SRCIN1: variants seen among roughly 807,000 people sequenced by gnomAD.
SRCIN1 encodes P130Cas-associated protein.
SRCIN1 carries 50 observed loss-of-function variants against 116.2 expected under a neutral mutation model. The observed-to-expected ratio is 0.43, with a 90% CI of 0.34 to 0.54. The LOEUF (loss-of-function observed/expected upper bound fraction) is 0.54, where lower values mean the gene tolerates loss of function less well. Ranked by LOEUF, SRCIN1 falls within the 20% of genes least tolerant of loss-of-function variation. The probability of loss-of-function intolerance (pLI) is 0.02; values close to 1 mark genes in which losing one functional copy is unlikely to be tolerated. For synonymous variants in SRCIN1, 736 were observed against 750.0 expected, an observed-to-expected ratio of 0.98 and a Z score of 0.30; for missense variants, 1,446 against 1,672.0, an observed-to-expected ratio of 0.86 and a Z score of 2.36.
rs571210242 is a variant in SRCIN1, at chr17:38,604,852, A to C, written c.22+832T>G. On this transcript the variant is annotated intron_variant, in intron 1 of 18. Transcript: ENST00000617146. This position sits in a 1 kb window ranked among gnomAD's most constrained non-coding sequence, Gnocchi z 4.3. ...CACCCCTCAGCCGCCTGCCTTCCCT[A>C]TCTTCTCACTCACCCTAGATGCCCT... Among the ~76,000 whole-genome samples, 1 of 126,250 alleles carries C rather than the reference A, an allele frequency of 7.9e-6. No individual in the cohort carries two copies. The highest frequency in any genetic ancestry group is 3.2e-5 in the African/African-American group (1 of 31,638). The allele number at this position is 126,250 out of a possible 152,430, so 82.8% of individuals were successfully genotyped here.
intron 2 of SRCIN1, among the ~76,000 whole-genome samples, chr17:38,576,484 C>T (rs759919591): frequency 2.8e-4 from 42 of 151,940 alleles, no homozygotes; most frequent in Non-Finnish European, 5.1e-4. Flanking sequence ...GGCTTTCTCC[C>T]TTCTTAGACC....
At chr17:38,592,514 A>G (rs551730427) in intron 1 of SRCIN1, among the ~76,000 whole-genome samples, 2 of 152,354 alleles carry the variant, frequency 1.3e-5, no homozygotes, top group African/African-American at 4.8e-5. Context: ...AGGACACAGC[A>G]AGCCAAGGCT....
At position 38,572,626 on chromosome 17, in the gene SRCIN1, C is replaced by G. The variant is rs2143278278; in HGVS notation, c.325-4395G>C. On this transcript the variant is annotated intron_variant, in intron 2 of 18. Coordinates refer to ENST00000617146, the MANE Select transcript of SRCIN1 (RefSeq NM_025248.3). This position sits in a 1 kb window ranked among gnomAD's most constrained non-coding sequence, Gnocchi z 4.3. Reference sequence around the variant, plus strand: ...CTCCGTGTCCCCGCCCCCCGCCCAACCCGAGGCGGCGATCCCGGCCCCCAC... The same window carrying G: ...CTCCGTGTCCCCGCCCCCCGCCCAAGCCGAGGCGGCGATCCCGGCCCCCAC... 1 of 151,828 alleles carries G rather than the reference C, an allele frequency of 6.6e-6. No individual in the cohort carries two copies. Among genetic ancestry groups the G allele is most frequent in the African/African-American group, 2.4e-5 (1 of 41,424 alleles). 9.4% of individuals were successfully genotyped at this position (151,828 alleles called of 1,614,324 possible).
intron 1 of SRCIN1, among the ~76,000 whole-genome samples, chr17:38,592,528 A>G (rs1346256104): frequency 6.6e-6 from 1 of 152,214 alleles, no homozygotes; most frequent in Non-Finnish European, 1.5e-5. Context: ...CAAGGCTCAA[A>G]TCTCACCTTG....
At chr17:38,588,962 C>A (rs979061633) in intron 1 of SRCIN1, among the ~76,000 whole-genome samples, 1 of 152,220 alleles carries the variant, frequency 6.6e-6, no homozygotes, top group Non-Finnish European at 1.5e-5. Context: ...ACAGCTCCCT[C>A]GGCCGCTAGA....
chr17:38,533,488 G>T, intron 18 of SRCIN1, 57 bp from the exon 19 acceptor site: 1 of 1,488,130 alleles, frequency 6.7e-7, no homozygotes, highest in Non-Finnish European at 9.1e-7. Context: ...CTCCATGCTG[G>T]CCCCCAGCTG....
rs2078008355 is a variant in SRCIN1 at position 38,605,932 on chromosome 17, TG to T, written c.-228del. The T allele has an allele frequency of 7.1e-6, 1 of 140,190 alleles. No individual in the cohort carries two copies. The highest frequency in any genetic ancestry group is 2.2e-4 in the South Asian group (1 of 4,490). 8.7% of individuals were successfully genotyped at this position (140,190 alleles called of 1,614,324 possible). Reference sequence around the variant, plus strand: ...CACCGAGTGTGCGAGAGCGAGTGTGTGTGTGTTTGAGTGTGTGTCTGCGCGC... The same window carrying T: ...CACCGAGTGTGCGAGAGCGAGTGTGTTGTGTTTGAGTGTGTGTCTGCGCGC... On this transcript the variant is annotated 5_prime_UTR_variant, in exon 1 of 19. Coordinates refer to ENST00000617146, the MANE Select transcript of SRCIN1 (RefSeq NM_025248.3).
Position 38,562,954 on chromosome 17 carries a change from A to G in SRCIN1, c.741-34T>C, listed in dbSNP as rs780560835. On this transcript the variant is annotated intron_variant, in intron 5 of 18. Transcript: ENST00000617146. This position sits in a 1 kb window ranked among gnomAD's most constrained non-coding sequence, Gnocchi z 4.2. Reference sequence around the variant, plus strand: ...GGCGGGGAGACGGGGGTCACCACCCATCCCCCAGCTGTGCACAATGAGAAG... The same window carrying G: ...GGCGGGGAGACGGGGGTCACCACCCGTCCCCCAGCTGTGCACAATGAGAAG... 37 of 1,540,670 alleles carry G rather than the reference A, an allele frequency of 2.4e-5. No individual in the cohort carries two copies. The highest frequency in any genetic ancestry group is 3.1e-5 in the Non-Finnish European group (35 of 1,117,828).
chr17:38,571,907 C>G (rs573330058), intron 2 of SRCIN1, among the ~76,000 whole-genome samples: 2 of 152,184 alleles, frequency 1.3e-5, no homozygotes, highest in Non-Finnish European at 2.9e-5. Context: ...CTCCTCCATC[C>G]TAGCCACTGG....
Position 38,531,659 on chromosome 17 carries a change from TC to T in SRCIN1, c.*1637del. 6.7e-6 allele frequency: 1 copy of T among 150,346 alleles called. No individual in the cohort carries two copies. Among genetic ancestry groups the T allele is most frequent in the Non-Finnish European group, 1.5e-5 (1 of 67,704 alleles). 9.3% of individuals were successfully genotyped at this position (150,346 alleles called of 1,614,324 possible). A position where few individuals can be genotyped will look rare whatever the true frequency, so the allele number is the denominator to read the frequency against. On this transcript the variant is annotated 3_prime_UTR_variant, in exon 19 of 19. Coordinates refer to ENST00000617146, the MANE Select transcript of SRCIN1 (RefSeq NM_025248.3). ...CTTGCTCGCCTTGGTACAAAAATGATCCAAAGCTAGAAAACAAGGATGAACC... is the reference window on the plus strand; with the variant it reads ...CTTGCTCGCCTTGGTACAAAAATGATCAAAGCTAGAAAACAAGGATGAACC...
In SRCIN1 at chr17:38,568,463, CAG is replaced by C. The variant is rs1345749469; in HGVS notation, c.325-234_325-233del. Among the ~76,000 whole-genome samples, 11 of 152,310 alleles carry C rather than the reference CAG, an allele frequency of 7.2e-5. No individual in the cohort carries two copies. The highest frequency in any genetic ancestry group is 2.4e-4 in the African/African-American group (10 of 41,590). On this transcript the variant is annotated intron_variant, in intron 2 of 18. Coordinates refer to ENST00000617146, the MANE Select transcript of SRCIN1 (RefSeq NM_025248.3). The surrounding 1 kb of genome is among the most constrained non-coding windows in gnomAD (Gnocchi z 4.5). Reference sequence around the variant, plus strand: ...GAGCAGGCGCTACAGCGACTCCTCGCAGAGTTACTGGTGGGAAAAGGCACAGA... The same window carrying C: ...GAGCAGGCGCTACAGCGACTCCTCGCAGTTACTGGTGGGAAAAGGCACAGA...
At chr17:38,573,549 A>C (rs1187829944) in intron 2 of SRCIN1, among the ~76,000 whole-genome samples, 1 of 152,220 alleles carries the variant, frequency 6.6e-6, no homozygotes, top group Non-Finnish European at 1.5e-5. Context: ...AGCAGATCCC[A>C]GATGTGGACA....
chr17:38,564,716 C>T lies in SRCIN1; in HGVS notation c.346-403G>A, dbSNP rs903682460. ...ATTAATTAAGTGGCAGGTTTGTGAGCGGAGAATTTATTCTTCATGGAGTTC... is the reference window on the plus strand; with the variant it reads ...ATTAATTAAGTGGCAGGTTTGTGAGTGGAGAATTTATTCTTCATGGAGTTC... On this transcript the variant is annotated intron_variant, in intron 3 of 18. Coordinates refer to ENST00000617146, the MANE Select transcript of SRCIN1 (RefSeq NM_025248.3). Among the ~76,000 whole-genome samples the T allele has an allele frequency of 1.6e-4, 19 of 118,770 alleles. No individual in the cohort carries two copies. The South Asian group carries it at 4.4e-3, about 27-fold the overall frequency. 77.9% of individuals were successfully genotyped at this position (118,770 alleles called of 152,430 possible).
rs112646329 is a variant in SRCIN1 at position 38,588,058 on chromosome 17, C to CA, written c.23-9268dup. Among the ~76,000 whole-genome samples the CA allele has an allele frequency of 8.8e-3, 1,132 of 129,056 alleles. 6 individuals carry two copies. The highest frequency in any genetic ancestry group is 0.012 in the African/African-American group (476 of 38,262). The allele number at this position is 129,056 out of a possible 152,430, so 84.7% of individuals were successfully genotyped here. ...GCTTCAGTCCTCTCATTTGCTTTAA[C>CA]AAAAAAAAAAAAAAGGAAGAAGAAG... is the stretch of plus-strand genomic sequence containing the variant. On this transcript the variant is annotated intron_variant, in intron 1 of 18. Transcript: ENST00000617146.
At chr17:38,579,897 T>G (rs945167235) in intron 1 of SRCIN1, among the ~76,000 whole-genome samples, 9 of 152,144 alleles carry the variant, frequency 5.9e-5, no homozygotes, top group African/African-American at 2.2e-4. Flanking sequence ...TTCCTGGGCA[T>G]AAAACATAGA....
In SRCIN1 at chr17:38,578,009, C is replaced by A. The variant is rs114044522; in HGVS notation, c.324+481G>T. ...GCTCCATTCTTGCAGGCTGCAGGAA[C>A]TGGGGACACATCGGACCCAGCCTAC... On this transcript the variant is annotated intron_variant, in intron 2 of 18. Transcript: ENST00000617146. Among the ~76,000 whole-genome samples the A allele has an allele frequency of 5.5e-3, 839 of 152,276 alleles. 8 individuals carry two copies. Among genetic ancestry groups the A allele is most frequent in the African/African-American group, 0.019 (803 of 41,554 alleles).
At chr17:38,556,751 T>G (rs1029033934) in intron 11 of SRCIN1, among the ~76,000 whole-genome samples, 1 of 152,092 alleles carries the variant, frequency 6.6e-6, no homozygotes, top group Non-Finnish European at 1.5e-5. Context: ...GTAATGGGTT[T>G]GATAATGGGG....
chr17:38,583,646 G>C (rs1168216395), intron 1 of SRCIN1, among the ~76,000 whole-genome samples: 1 of 142,048 alleles, frequency 7.0e-6, no homozygotes, highest in African/African-American at 2.6e-5. Context: ...TCTGCCACCC[G>C]GGCTCAAGCA....
Position 38,560,339 on chromosome 17 carries a change from G to T in SRCIN1, c.1787C>A (p.Thr596Asn), listed in dbSNP as rs749329997. ...GTTGGGAGAGGGGCCTCACCTGGGGGTCTCAGGCTCAGAGCCTCGCAGTAA... is the reference window on the plus strand; with the variant it reads ...GTTGGGAGAGGGGCCTCACCTGGGGTTCTCAGGCTCAGAGCCTCGCAGTAA... ...SALLRGSEPE[T>N]PSEKIEGSNG... Residue 596 changes from threonine to asparagine, a missense_variant, in exon 8 of 19, where the codon ACC becomes AAC. Physicochemically the swap from Thr to Asn is moderately conservative, Grantham distance 65. Around this residue, in one of 5 missense-constraint regions of SRCIN1, gnomAD observed 398 missense variants for 385.6 expected, o/e 1.03. Transcript: ENST00000617146. 6.2e-7 allele frequency: 1 copy of T among 1,608,854 alleles called. No homozygotes were observed. The highest frequency in any genetic ancestry group is 1.1e-5 in the South Asian group (1 of 89,668).
Sources: gnomAD v4.1 joint callset for allele counts (sites outside exome capture counted in the v4.1 genomes callset) on GRCh38, gnomAD v4.1.1 for gene constraint, gnomAD v4.1.1 regional missense constraint, Gnocchi (gnomAD v3.1) non-coding constraint, MANE v1.5 for transcripts, NCBI Gene and HGNC (gene_info 2026-07-23, HGNC 2026-07-21) for gene names.